HK1: variants seen among roughly 807,000 people sequenced by gnomAD.
HK1 encodes hexokinase 1.
Under a neutral mutation model 91.6 loss-of-function variants are expected in HK1, and 28 were observed. The observed-to-expected ratio is 0.31, with a 90% CI of 0.23 to 0.42. HK1 has a LOEUF of 0.42. Among genes scored for constraint, HK1 ranks in the 10% least tolerant of loss-of-function variants. The pLI, the probability that HK1 is intolerant of heterozygous loss-of-function variation, is 1.00. For synonymous variants in HK1, 430 were observed against 468.1 expected, an observed-to-expected ratio of 0.92 and a Z score of 1.05; for missense variants, 770 against 1,219.8, an observed-to-expected ratio of 0.63 and a Z score of 5.49.
intron 4 of HK1, among the ~76,000 whole-genome samples, chr10:69,297,669 C>T (rs1378964204): frequency 6.8e-6 from 1 of 147,244 alleles, no homozygotes; most frequent in Non-Finnish European, 1.5e-5. Flanking sequence ...CCGGGGTTGG[C>T]GTATCACCTG....
chr10:69,390,529 A>G (rs1723190563), intron 14 of HK1, among the ~76,000 whole-genome samples: 1 of 152,210 alleles, frequency 6.6e-6, no homozygotes, highest in Admixed American at 6.5e-5. Flanking sequence ...CTCTTCTCTC[A>G]GTTTTAACCT....
At chr10:69,310,816 G>C (rs1846335973), upstream of HK1, among the ~76,000 whole-genome samples, 1 of 152,180 alleles carries the variant, frequency 6.6e-6, no homozygotes, top group South Asian at 2.1e-4. Context: ...CAGCACTTTG[G>C]GAGGCTGTGG....
At position 69,290,956 on chromosome 10, in the gene HK1, C is replaced by T. The variant is rs147177360; in HGVS notation, c.-115+2186C>T. Among the ~76,000 whole-genome samples, 256 of 152,318 alleles carry T rather than the reference C, an allele frequency of 1.7e-3. 2 individuals carry two copies. Among genetic ancestry groups the T allele is most frequent in the African/African-American group, 5.9e-3 (246 of 41,572 alleles). On this transcript the variant is annotated intron_variant, in intron 3 of 21. Coordinates refer to the HK1 transcript ENST00000360289. Reference sequence around the variant, plus strand: ...ACAGAAAATCAAAATTCCTCTTAGCCGTTGGGTCTCTTAGGCCTCTTCCTT... The same window carrying T: ...ACAGAAAATCAAAATTCCTCTTAGCTGTTGGGTCTCTTAGGCCTCTTCCTT...
At chr10:69,308,713 T>C (rs1846220829) in intron 5 of HK1, among the ~76,000 whole-genome samples, 1 of 152,192 alleles carries the variant, frequency 6.6e-6, no homozygotes, top group Non-Finnish European at 1.5e-5. Flanking sequence ...GTTTTGCTTC[T>C]CTTTCTTTTT....
rs1039529884 is a variant in HK1 at position 69,283,823 on chromosome 10, G to GA, written c.-215+1126dup. Among the ~76,000 whole-genome samples the GA allele has an allele frequency of 4.0e-4, 50 of 124,372 alleles. 4 individuals carry two copies. Among genetic ancestry groups the GA allele is most frequent in the Admixed American group, 3.6e-3 (47 of 12,996 alleles). 81.6% of individuals were successfully genotyped at this position (124,372 alleles called of 152,430 possible). A position where few individuals can be genotyped will look rare whatever the true frequency, so the allele number is the denominator to read the frequency against. On this transcript the variant is annotated intron_variant, in intron 2 of 21. Coordinates refer to the HK1 transcript ENST00000360289. ...CAAAAAAAAAAAAAAAAAAAGAAAA[G>GA]AAAAAAAGAAAAAGAAAATAAAGAG...
intron 5 of HK1, among the ~76,000 whole-genome samples, chr10:69,301,722 A>G (rs562518741): frequency 6.6e-6 from 1 of 152,330 alleles, no homozygotes; most frequent in African/African-American, 2.4e-5. Flanking sequence ...AGAAGATCTA[A>G]ATTAATGGAA....
intron 5 of HK1, among the ~76,000 whole-genome samples, chr10:69,304,126 T>A (rs1393963757): frequency 6.6e-6 from 1 of 152,192 alleles, no homozygotes; most frequent in Non-Finnish European, 1.5e-5. Flanking sequence ...AGGGTCAGAA[T>A]CTTGTAGCCT....
intron 1 of HK1, among the ~76,000 whole-genome samples, chr10:69,273,032 CTT>C (rs745403867): frequency 6.1e-5 from 8 of 130,590 alleles, no homozygotes; most frequent in Non-Finnish European, 9.8e-5. Context: ...TCTTTTTTAC[CTT>C]TTTTTTTTTT....
At chr10:69,384,739 G>A in intron 11 of HK1, 57 bp from the exon 12 acceptor site, 1 of 1,612,714 alleles carries the variant, frequency 6.2e-7, no homozygotes, top group Non-Finnish European at 8.5e-7. Flanking sequence ...TGGTCCATGT[G>A]CACTGATAAA....
chr10:69,382,963 TG>T (rs1839467818), intron 10 of HK1, among the ~76,000 whole-genome samples, 172 bp downstream of exon 10: 4 of 152,188 alleles, frequency 2.6e-5, no homozygotes, highest in Non-Finnish European at 5.9e-5. Context: ...TGATTTGTCA[TG>T]TGTGTGACTC....
At chr10:69,323,537 AAAG>A (rs1251207176) in intron 1 of HK1, among the ~76,000 whole-genome samples, 2 of 151,372 alleles carry the variant, frequency 1.3e-5, no homozygotes, top group Admixed American at 1.3e-4. Context: ...AAAAAAAAAA[AAAG>A]AAGAAAGAAA....
At chr10:69,390,162 T>G (rs758175815) in intron 14 of HK1, among the ~76,000 whole-genome samples, 3 of 152,228 alleles carry the variant, frequency 2.0e-5, no homozygotes, top group Non-Finnish European at 4.4e-5. Flanking sequence ...TTCGCTTCTG[T>G]TGAAATTTTA....
Position 69,380,219 on chromosome 10 carries a change from T to C in HK1, c.1265+124T>C, listed in dbSNP as rs1839321057. ...AGACAAGACAATGGTGGTCGGGGGC[T>C]GTGGCTCATGCCTGTAATCTTAGCA... On this transcript the variant is annotated intron_variant, in intron 9 of 17. Coordinates refer to ENST00000359426, the MANE Select transcript of HK1 (RefSeq NM_000188.3). This position sits in a 1 kb window ranked among gnomAD's most constrained non-coding sequence, Gnocchi z 4.0. 3 of 783,022 alleles carry C rather than the reference T, an allele frequency of 3.8e-6. No homozygotes were observed. The highest frequency in any genetic ancestry group is 6.6e-6 in the Non-Finnish European group (3 of 453,910). The allele number at this position is 783,022 out of a possible 1,614,324, so 48.5% of individuals were successfully genotyped here.
At chr10:69,316,166 G>T, upstream of HK1, 1 of 768,788 alleles carries the variant, frequency 1.3e-6, no homozygotes. Context: ...AGAGGATGGT[G>T]GGAAGTGGCC....
chr10:69,377,069 T>C lies in HK1; in HGVS notation c.1011T>C (p.Ser337=), dbSNP rs1465179937. The C allele has an allele frequency of 3.1e-6, 5 of 1,614,184 alleles. No individual in the cohort carries two copies. Among genetic ancestry groups the C allele is most frequent in the Non-Finnish European group, 4.2e-6 (5 of 1,180,026 alleles). Residue 337 remains serine (S), a synonymous_variant, in exon 8 of 18, where the codon AGT becomes AGC. Transcript: ENST00000359426. The stretch of plus-strand genomic sequence containing the variant: ...TCACCCGAGGGAAGTTTAACACCAG[T>C]GATGTGTCAGCCATCGAAAAGTAGG... ...ELLTRGKFNT[S]DVSAIEKNKE... is the part of the protein sequence containing the mutation.
At chr10:69,293,855 CTTTTTTTTTTTTTTTT>C (rs34434447) in intron 3 of HK1, among the ~76,000 whole-genome samples, 1 of 98,982 alleles carries the variant, frequency 1.0e-5, no homozygotes, top group African/African-American at 4.1e-5. Context: ...ATATTTCTTT[CTTTTTTTTTTTTTTTT>C]TTTTTTTTGA....
At chr10:69,347,009 G>A (rs1395139177) in intron 2 of HK1, among the ~76,000 whole-genome samples, 1 of 152,038 alleles carries the variant, frequency 6.6e-6, no homozygotes, top group Non-Finnish European at 1.5e-5. Flanking sequence ...TATCCCGGTG[G>A]GGCCCAGATA....
At chr10:69,378,411 A>G (rs1247401952) in intron 8 of HK1, among the ~76,000 whole-genome samples, 2 of 151,970 alleles carry the variant, frequency 1.3e-5, no homozygotes, top group African/African-American at 2.4e-5. Context: ...TTGGCATCGT[A>G]CTGGAGTCTT....
chr10:69,328,297 T>C (rs188466727), intron 1 of HK1, among the ~76,000 whole-genome samples: 91 of 152,342 alleles, frequency 6.0e-4, no homozygotes, highest in African/African-American at 2.1e-3. Context: ...CATGTTCATC[T>C]TGAGTCTATG....
Sources: gnomAD v4.1 joint callset for allele counts (sites outside exome capture counted in the v4.1 genomes callset) on GRCh38, gnomAD v4.1.1 for gene constraint, Gnocchi (gnomAD v3.1) non-coding constraint, MANE v1.5 for transcripts, NCBI Gene and HGNC (gene_info 2026-07-23, HGNC 2026-07-21) for gene names.